OLFML2A: variants seen among roughly 807,000 people sequenced by gnomAD.
The protein encoded by OLFML2A is olfactomedin like 2A.
Under a neutral mutation model 60.9 loss-of-function variants are expected in OLFML2A, and 47 were observed. The ratio of observed to expected loss-of-function variants is 0.77; its 90% confidence interval spans 0.61 to 0.98. The LOEUF is 0.98. Ranked by LOEUF, OLFML2A falls within the 50% of genes least tolerant of loss-of-function variation. The pLI, the probability that OLFML2A is intolerant of heterozygous loss-of-function variation, is 0.00. For synonymous variants in OLFML2A, 372 were observed against 375.0 expected, an observed-to-expected ratio of 0.99 and a Z score of 0.09; for missense variants, 922 against 879.8, an observed-to-expected ratio of 1.05 and a Z score of -0.61.
intron 3 of OLFML2A, 28 bp downstream of exon 3, chr9:124,795,159 A>T (rs768106910): frequency 1.4e-6 from 2 of 1,381,294 alleles, no homozygotes; most frequent in African/African-American, 2.8e-5. Context: ...GCCAGAGGCC[A>T]GGCTGCTCTG....
Position 124,814,273 on chromosome 9 carries a change from A to T in OLFML2A, c.*3861A>T, listed in dbSNP as rs1207520146. Reference sequence around the variant, plus strand: ...CTGTCATGACAGGACATGGCACTGGATGGCTGGCAGAGAGCCCTGGCTGGG... The same window carrying T: ...CTGTCATGACAGGACATGGCACTGGTTGGCTGGCAGAGAGCCCTGGCTGGG... On this transcript the variant is annotated 3_prime_UTR_variant, in exon 8 of 8. Coordinates refer to ENST00000373580, the MANE Select transcript of OLFML2A (RefSeq NM_182487.4). 1 of 152,316 alleles carries T rather than the reference A, an allele frequency of 6.6e-6. No individual in the cohort carries two copies. The highest frequency in any genetic ancestry group is 1.5e-5 in the Non-Finnish European group (1 of 68,128). The allele number at this position is 152,316 out of a possible 1,614,324, so 9.4% of individuals were successfully genotyped here.
At chr9:124,801,369 T>C in intron 4 of OLFML2A, 45 bp from the exon 5 acceptor site, 1 of 1,605,452 alleles carries the variant, frequency 6.2e-7, no homozygotes, top group Non-Finnish European at 8.5e-7. Flanking sequence ...CCCCACAACA[T>C]TTCTTCTACT....
chr9:124,787,019 C>T lies in OLFML2A; in HGVS notation c.135C>T (p.Ser45=), dbSNP rs1276111475. 3.1e-6 allele frequency: 5 copies of T among 1,613,764 alleles called. No homozygotes were observed. The highest frequency in any genetic ancestry group is 2.2e-5 in the East Asian group (1 of 44,878). ...AGGTGAGGATGACCTCGGAGGGCTC[C>T]GACTGCCGTTGCAAGTGCATCATGC... The part of the protein sequence containing the change: ...LDQVRMTSEG[S]DCRCKCIMRP... Residue 45 remains serine (S), a synonymous_variant, in exon 2 of 8, where the codon TCC becomes TCT. Transcript: ENST00000373580.
Position 124,804,307 on chromosome 9 carries a change from C to G in OLFML2A, c.1133C>G (p.Thr378Ser). The G allele has an allele frequency of 6.4e-7, 1 of 1,554,640 alleles. No homozygotes were observed. The highest frequency in any genetic ancestry group is 1.2e-5 in the South Asian group (1 of 84,198). The change falls in exon 6 of 8, where the codon ACC (threonine) becomes AGC (serine). Residue 378 changes from threonine to serine, a missense_variant. Transcript: ENST00000373580. ...TPTPTTSLLP[T>S]EPPSGPEVSS... Reference sequence around the variant, plus strand: ...ACCCCCACCACCAGTCTCCTGCCCACCGAGCCACCTTCAGGTCCAGAAGTC... The same window carrying G: ...ACCCCCACCACCAGTCTCCTGCCCAGCGAGCCACCTTCAGGTCCAGAAGTC...
At chr9:124,787,628 C>T (rs962525724) in intron 2 of OLFML2A, among the ~76,000 whole-genome samples, 3 of 151,518 alleles carry the variant, frequency 2.0e-5, no homozygotes, top group Non-Finnish European at 4.4e-5. Flanking sequence ...GGCACGATCT[C>T]GGCTTGCTGC....
intron 3 of OLFML2A, among the ~76,000 whole-genome samples, chr9:124,798,885 A>G (rs950292762): frequency 6.6e-6 from 1 of 152,210 alleles, no homozygotes; most frequent in Non-Finnish European, 1.5e-5. Flanking sequence ...GCTGTTCAGC[A>G]AAAAAGAAAA....
Position 124,810,911 on chromosome 9 carries a change from G to A in OLFML2A, c.*499G>A, listed in dbSNP as rs1421890482. ...GTCTTTAGGGCCAGTGTACTGGTGTGGGGTGGAGGCCCTGGCTCTGCCTGC... is the reference window on the plus strand; with the variant it reads ...GTCTTTAGGGCCAGTGTACTGGTGTAGGGTGGAGGCCCTGGCTCTGCCTGC... On this transcript the variant is annotated 3_prime_UTR_variant, in exon 8 of 8. Coordinates refer to ENST00000373580, the MANE Select transcript of OLFML2A (RefSeq NM_182487.4). 1 of 156,468 alleles carries A rather than the reference G, an allele frequency of 6.4e-6. No homozygotes were observed. Among genetic ancestry groups the A allele is most frequent in the Non-Finnish European group, 1.4e-5 (1 of 71,494 alleles). 9.7% of individuals were successfully genotyped at this position (156,468 alleles called of 1,614,324 possible). A position where few individuals can be genotyped will look rare whatever the true frequency, so the allele number is the denominator to read the frequency against.
intron 2 of OLFML2A, among the ~76,000 whole-genome samples, chr9:124,788,706 C>G (rs1841524190): frequency 6.6e-6 from 1 of 152,216 alleles, no homozygotes; most frequent in South Asian, 2.1e-4. Context: ...TAGGGCCCCC[C>G]ACCAGGACCC....
intron 1 of OLFML2A, among the ~76,000 whole-genome samples, chr9:124,786,700 G>T (rs1841477722): frequency 6.7e-6 from 1 of 150,044 alleles, no homozygotes; most frequent in African/African-American, 2.5e-5. Context: ...CAGCCTGGGC[G>T]ACAGAGCAAG....
Position 124,777,203 on chromosome 9 carries a change from C to A in OLFML2A, c.-68C>A. ...AGGCAGAGCGGGCGAAGGCGCGGAG[C>A]TCGCAGTGCAGCCCGCGCTTCCCAG... On this transcript the variant is annotated 5_prime_UTR_variant, in exon 1 of 8. Transcript: ENST00000373580. The surrounding 1 kb of genome is among the most constrained non-coding windows in gnomAD (Gnocchi z 6.2). 1 of 542,364 alleles carries A rather than the reference C, an allele frequency of 1.8e-6. No individual in the cohort carries two copies. Among genetic ancestry groups the A allele is most frequent in the Non-Finnish European group, 2.7e-6 (1 of 367,560 alleles). The allele number at this position is 542,364 out of a possible 1,614,324, so 33.6% of individuals were successfully genotyped here.
intron 1 of OLFML2A, among the ~76,000 whole-genome samples, chr9:124,780,367 G>T (rs1012208565): frequency 8.5e-5 from 13 of 152,202 alleles, no homozygotes; most frequent in Non-Finnish European, 1.8e-4. Context: ...GTGGGGAGGG[G>T]GTCTTTGGTC....
Position 124,813,686 on chromosome 9 carries a change from C to G in OLFML2A, c.*3274C>G, listed in dbSNP as rs985175414. 1.3e-5 allele frequency: 2 copies of G among 152,032 alleles called. No homozygotes were observed. The highest frequency in any genetic ancestry group is 4.8e-5 in the African/African-American group (2 of 41,382). The allele number at this position is 152,032 out of a possible 1,614,324, so 9.4% of individuals were successfully genotyped here. A position where few individuals can be genotyped will look rare whatever the true frequency, so the allele number is the denominator to read the frequency against. On this transcript the variant is annotated 3_prime_UTR_variant, in exon 8 of 8. Transcript: ENST00000373580. ...ATGCCAAGCCAAGGAGTGGATGCCT[C>G]CAGTCATATTTAGAACAAAGTCAAG...
intron 1 of OLFML2A, among the ~76,000 whole-genome samples, chr9:124,780,703 G>T (rs1191361657): frequency 6.6e-6 from 1 of 152,222 alleles, no homozygotes; most frequent in Non-Finnish European, 1.5e-5. Flanking sequence ...ACTCCCTTTG[G>T]CTGGGGCATC....
In OLFML2A at chr9:124,787,244, C is replaced by T; in HGVS notation, c.354+6C>T. The T allele has an allele frequency of 6.2e-7, 1 of 1,612,490 alleles. No homozygotes were observed. The highest frequency in any genetic ancestry group is 8.5e-7 in the Non-Finnish European group (1 of 1,178,664). On this transcript the variant is annotated splice_donor_region_variant and intron_variant, in intron 2 of 7. Transcript: ENST00000373580. ...AGGCGCCCGAGCTCCTCAAGGTAGA[C>T]TTGGTGGGGTGATGGAGGGAGTAAG...
rs1296914991 is a variant in OLFML2A, at chr9:124,777,788, C to T, written c.90+428C>T. 1.3e-5 allele frequency among the ~76,000 whole-genome samples: 2 copies of T among 152,080 alleles called. No individual in the cohort carries two copies. The highest frequency in any genetic ancestry group is 1.3e-4 in the Admixed American group (2 of 15,268). On this transcript the variant is annotated intron_variant, in intron 1 of 7. Transcript: ENST00000373580. This position sits in a 1 kb window ranked among gnomAD's most constrained non-coding sequence, Gnocchi z 6.2. ...GTCTTCTCTACCCGATGAACGCAGC[C>T]GCGCTGGCCACTCGCCTGGCCTCTG...
At chr9:124,806,837 T>A (rs1841903717) in intron 6 of OLFML2A, among the ~76,000 whole-genome samples, 1 of 152,120 alleles carries the variant, frequency 6.6e-6, no homozygotes, top group Non-Finnish European at 1.5e-5. Context: ...CTCAAACTCC[T>A]GACCTTGTGA....
chr9:124,787,218 C>T lies in OLFML2A; in HGVS notation c.334C>T (p.Gln112Ter). 1 of 1,614,106 alleles carries T rather than the reference C, an allele frequency of 6.2e-7. No homozygotes were observed. The highest frequency in any genetic ancestry group is 8.5e-7 in the Non-Finnish European group (1 of 1,179,944). Residue 112 changes from glutamine to a stop codon, truncating the protein, a stop_gained, in exon 2 of 8, where the codon CAG becomes TAG. Transcript: ENST00000373580. LOFTEE classifies it high-confidence loss of function. ...GTGGAAGATGGAGAAACTCAAAAAG[C>T]AGGCGCCCGAGCTCCTCAAGGTAGA... ...NEWKMEKLKK[Q>*]APELLKLQSM... is the part of the protein sequence containing the mutation.
At chr9:124,780,391 G>A (rs1422086347) in intron 1 of OLFML2A, among the ~76,000 whole-genome samples, 3 of 152,228 alleles carry the variant, frequency 2.0e-5, no homozygotes, top group African/African-American at 7.2e-5. Flanking sequence ...CTGCTGATCA[G>A]GGGCCCAAGG....
At chr9:124,806,372 C>T (rs988241544) in intron 6 of OLFML2A, among the ~76,000 whole-genome samples, 2 of 142,996 alleles carry the variant, frequency 1.4e-5, no homozygotes, top group Non-Finnish European at 3.0e-5. Flanking sequence ...AGCTAATTAG[C>T]ATATATATTA....
Sources: allele counts gnomAD v4.1 joint callset (sites outside exome capture counted in the v4.1 genomes callset), GRCh38; gene constraint gnomAD v4.1.1; non-coding constraint Gnocchi (gnomAD v3.1); transcripts MANE v1.5; gene names NCBI Gene and HGNC (gene_info 2026-07-23, HGNC 2026-07-21).